HECW1: variants seen among roughly 807,000 people sequenced by gnomAD.
The protein encoded by HECW1 is E3 ubiquitin-protein ligase HECW1.
Under a neutral mutation model 182.3 loss-of-function variants are expected in HECW1, and 61 were observed. The observed-to-expected ratio is 0.33, with a 90% CI of 0.27 to 0.41. The LOEUF is 0.41. Ranked by LOEUF, HECW1 falls within the 10% of genes least tolerant of loss-of-function variation. The pLI is 1.00. For missense variants in HECW1, 1,739 were observed against 2,108.9 expected, an observed-to-expected ratio of 0.82 and a Z score of 3.44; for synonymous variants, 859 against 832.6, an observed-to-expected ratio of 1.03 and a Z score of -0.55.
At chr7:43,412,269 T>A (rs2075826053) in intron 8 of HECW1, among the ~76,000 whole-genome samples, 1 of 152,062 alleles carries the variant, frequency 6.6e-6, no homozygotes. Flanking sequence ...CTTGTTATAG[T>A]TATTATATAT....
chr7:43,529,010 G>T (rs193104606), intron 24 of HECW1, among the ~76,000 whole-genome samples: 3 of 152,194 alleles, frequency 2.0e-5, no homozygotes, highest in African/African-American at 7.2e-5. Context: ...TCTGAATAAA[G>T]GTGGGTGTAG....
At chr7:43,405,278 TA>T (rs780650339) in intron 7 of HECW1, among the ~76,000 whole-genome samples, 91 of 152,196 alleles carry the variant, frequency 6.0e-4, no homozygotes, top group Non-Finnish European at 1.2e-3. Context: ...TTTCACACTC[TA>T]ATAAGTCAGG....
chr7:43,173,573 C>T (rs79626764), intron 2 of HECW1, among the ~76,000 whole-genome samples: 1 of 152,218 alleles, frequency 6.6e-6, no homozygotes, highest in Non-Finnish European at 1.5e-5. Context: ...GTTAGATTCT[C>T]ATAAGGAGCA....
chr7:43,488,231 A>G (rs925448990), intron 17 of HECW1, among the ~76,000 whole-genome samples: 3 of 151,120 alleles, frequency 2.0e-5, no homozygotes, highest in African/African-American at 7.3e-5. Flanking sequence ...AATCTCTTGA[A>G]CCCGGGAGGC....
chr7:43,533,970 GA>G (rs1241024826), intron 24 of HECW1, among the ~76,000 whole-genome samples: 2 of 152,162 alleles, frequency 1.3e-5, no homozygotes, highest in Non-Finnish European at 2.9e-5. Flanking sequence ...AAGAGACTAA[GA>G]AGGTCACCCA....
intron 8 of HECW1, among the ~76,000 whole-genome samples, chr7:43,420,645 G>A (rs1051852474): frequency 9.2e-5 from 14 of 152,064 alleles, no homozygotes; most frequent in Admixed American, 2.6e-4. Context: ...AGGTAGATAC[G>A]TAAAATAAAT....
intron 17 of HECW1, among the ~76,000 whole-genome samples, chr7:43,491,111 G>C (rs990326111): frequency 6.6e-6 from 1 of 152,178 alleles, no homozygotes; most frequent in Non-Finnish European, 1.5e-5. Context: ...GGCTAAGCAA[G>C]TTATTTATCT....
At chr7:43,181,396 TA>T (rs1482390435) in intron 2 of HECW1, among the ~76,000 whole-genome samples, 1 of 151,042 alleles carries the variant, frequency 6.6e-6, no homozygotes, top group Non-Finnish European at 1.5e-5. Flanking sequence ...AGTTCTATTT[TA>T]AATTTTTTGA....
intron 2 of HECW1, among the ~76,000 whole-genome samples, chr7:43,237,384 G>T (rs79331495): frequency 0.035 from 5,387 of 152,268 alleles, 111 homozygotes; most frequent in South Asian, 0.075. Context: ...CATCTGTTCG[G>T]TGTGTCTCCC....
chr7:43,254,466 T>C (rs547886144), intron 3 of HECW1, among the ~76,000 whole-genome samples: 12 of 152,354 alleles, frequency 7.9e-5, no homozygotes, highest in Middle Eastern at 6.8e-3. Flanking sequence ...TTCCCAGCCC[T>C]CCTGGAAATA....
intron 2 of HECW1, among the ~76,000 whole-genome samples, chr7:43,156,779 G>A (rs186636636): frequency 9.6e-4 from 146 of 152,296 alleles, no homozygotes; most frequent in Non-Finnish European, 1.3e-3. Context: ...ATAAGTGGAA[G>A]TGATGTGTGT....
chr7:43,152,504 ATTC>A (rs1339344146), intron 2 of HECW1, among the ~76,000 whole-genome samples: 1 of 152,138 alleles, frequency 6.6e-6, no homozygotes, highest in Non-Finnish European at 1.5e-5. Context: ...ATTGCTCTTT[ATTC>A]TTTTTTATAG....
intron 2 of HECW1, among the ~76,000 whole-genome samples, chr7:43,122,318 G>A (rs908997553): frequency 1.3e-5 from 2 of 152,152 alleles, no homozygotes; most frequent in African/African-American, 4.8e-5. Flanking sequence ...AGCGAGAATT[G>A]TCCCAGTAAC....
chr7:43,465,958 AAAGAAAG>A (rs2077753667), intron 14 of HECW1, among the ~76,000 whole-genome samples: 1 of 143,402 alleles, frequency 7.0e-6, no homozygotes, highest in Non-Finnish European at 1.5e-5. Flanking sequence ...AAAGAAAGAG[AAAGAAAG>A]AAGAAAGAAG....
chr7:43,502,639 C>A (rs2079412541), intron 21 of HECW1, among the ~76,000 whole-genome samples: 1 of 151,836 alleles, frequency 6.6e-6, no homozygotes, highest in Non-Finnish European at 1.5e-5. Context: ...AAGCACTAGG[C>A]AACAGAGCAA....
At chr7:43,264,712 C>T (rs553387233) in intron 3 of HECW1, among the ~76,000 whole-genome samples, 77 of 151,932 alleles carry the variant, frequency 5.1e-4, no homozygotes, top group Non-Finnish European at 9.1e-4. Flanking sequence ...GGTGTGGTGG[C>T]GGGCACCTGT....
intron 2 of HECW1, among the ~76,000 whole-genome samples, chr7:43,157,990 ATAACTCATG>A (rs1191458163): frequency 6.6e-6 from 1 of 152,260 alleles, no homozygotes; most frequent in Non-Finnish European, 1.5e-5. Flanking sequence ...TCTAGTACAG[ATAACTCATG>A]TATCTTAGCT....
At chr7:43,124,182 G>C (rs1785938835) in intron 2 of HECW1, among the ~76,000 whole-genome samples, 1 of 152,188 alleles carries the variant, frequency 6.6e-6, no homozygotes, top group Non-Finnish European at 1.5e-5. Context: ...CTTTGTGGTA[G>C]ATATTTTTTT....
chr7:43,407,985 C>T (rs74754346), intron 8 of HECW1, among the ~76,000 whole-genome samples: 26,157 of 152,126 alleles, frequency 0.17, 2,784 homozygotes, highest in Middle Eastern at 0.27. Flanking sequence ...ACCCATGCCG[C>T]GAGCAGGACG....
Sources: allele counts gnomAD v4.1 joint callset (sites outside exome capture counted in the v4.1 genomes callset), GRCh38; gene constraint gnomAD v4.1.1; transcripts MANE v1.5; gene names NCBI Gene and HGNC (gene_info 2026-07-23, HGNC 2026-07-21).